Variants in SUPT5H observed in about 807,000 individuals in gnomAD.
SUPT5H encodes the protein transcription elongation factor SPT5.
In SUPT5H, 24 loss-of-function variants were observed where a neutral mutation model predicts 142.5. That is an observed-to-expected ratio of 0.17 (90% CI 0.12 to 0.24). SUPT5H has a LOEUF of 0.24. Among genes scored for constraint, SUPT5H ranks in the 10% least tolerant of loss-of-function variants. The pLI, the probability that SUPT5H is intolerant of heterozygous loss-of-function variation, is 1.00. For synonymous variants in SUPT5H, 546 were observed against 553.0 expected (o/e 0.99, Z 0.18); for missense variants, 893 against 1,471.8 (o/e 0.61, Z 6.43).
At chr19:39,446,091 A>C in intron 2 of SUPT5H, 126 bp downstream of exon 2, 85 of 1,066,226 alleles carry the variant, frequency 8.0e-5, no homozygotes, top group Non-Finnish European at 1.1e-4. Context: ...AGATTGTCTC[A>C]AGAGATAGAG....
Position 39,445,827 on chromosome 19 carries a change from T to C in SUPT5H, c.-64T>C. ...AGGGAACCAGCGGGGAAACTGAGGC[T>C]CGGGGTGGAGCGCAGGATTGTGGGA... On this transcript the variant is annotated 5_prime_UTR_variant, in exon 2 of 30. Coordinates refer to ENST00000432763, the MANE Select transcript of SUPT5H (RefSeq NM_001111020.3). 6.3e-7 allele frequency: 1 copy of C among 1,580,358 alleles called. No homozygotes were observed. The highest frequency in any genetic ancestry group is 8.6e-7 in the Non-Finnish European group (1 of 1,159,622).
In SUPT5H at chr19:39,466,835, G is replaced by A. The variant is rs955616459; in HGVS notation, c.1037+90G>A. The A allele has an allele frequency of 2.9e-5, 37 of 1,279,998 alleles. No homozygotes were observed. The highest frequency in any genetic ancestry group is 3.1e-5 in the Non-Finnish European group (27 of 879,098). The allele number at this position is 1,279,998 out of a possible 1,614,324, so 79.3% of individuals were successfully genotyped here. On this transcript the variant is annotated intron_variant, in intron 13 of 29. Transcript: ENST00000432763. This position sits in a 1 kb window ranked among gnomAD's most constrained non-coding sequence, Gnocchi z 4.3. Reference sequence around the variant, plus strand: ...CAGGTTCCTCCCCAGGGGTGGCCCCGCCACAGGTTTAGCCTGTGAATTGGT... The same window carrying A: ...CAGGTTCCTCCCCAGGGGTGGCCCCACCACAGGTTTAGCCTGTGAATTGGT...
In SUPT5H at chr19:39,458,042, C is replaced by T; in HGVS notation, c.308-252C>T. 2 of 735,044 alleles carry T rather than the reference C, an allele frequency of 2.7e-6. No individual in the cohort carries two copies. The highest frequency in any genetic ancestry group is 5.3e-5 in the Admixed American group (2 of 37,944). 45.5% of individuals were successfully genotyped at this position (735,044 alleles called of 1,614,324 possible). On this transcript the variant is annotated intron_variant, in intron 4 of 29. Coordinates refer to ENST00000432763, the MANE Select transcript of SUPT5H (RefSeq NM_001111020.3). The surrounding 1 kb of genome is among the most constrained non-coding windows in gnomAD (Gnocchi z 4.2). Reference sequence around the variant, plus strand: ...TCTGTCCCAAGATACCCCCCACTTCCTGGGCCAGTGCCCCCCTTTCCCCGT... The same window carrying T: ...TCTGTCCCAAGATACCCCCCACTTCTTGGGCCAGTGCCCCCCTTTCCCCGT...
Position 39,474,952 on chromosome 19 carries a change from G to T in SUPT5H, c.3024+234G>T. 1.7e-6 allele frequency: 1 copy of T among 591,138 alleles called. No homozygotes were observed. The highest frequency in any genetic ancestry group is 3.0e-6 in the Non-Finnish European group (1 of 332,058). 36.6% of individuals were successfully genotyped at this position (591,138 alleles called of 1,614,324 possible). On this transcript the variant is annotated intron_variant, in intron 28 of 29. Coordinates refer to ENST00000432763, the MANE Select transcript of SUPT5H (RefSeq NM_001111020.3). The surrounding 1 kb of genome is among the most constrained non-coding windows in gnomAD (Gnocchi z 6.5). ...AAATCTGAGCCAAGACCTGACAAAT[G>T]AATAGGAGTAAGCTAAGGAAAGTGA...
In SUPT5H at chr19:39,469,565, A is replaced by G; in HGVS notation, c.1374+167A>G. 1 of 976,266 alleles carries G rather than the reference A, an allele frequency of 1.0e-6. No individual in the cohort carries two copies. Among genetic ancestry groups the G allele is most frequent in the South Asian group, 1.6e-5 (1 of 63,060 alleles). 60.5% of individuals were successfully genotyped at this position (976,266 alleles called of 1,614,324 possible). The stretch of plus-strand genomic sequence containing the variant: ...GAGAGGCTCTGTCTGAGTGCAGCTC[A>G]GGGTCGGTGGGCAGCAGGCCTGCCT... On this transcript the variant is annotated intron_variant, in intron 16 of 29. Coordinates refer to ENST00000432763, the MANE Select transcript of SUPT5H (RefSeq NM_001111020.3). The surrounding 1 kb of genome is among the most constrained non-coding windows in gnomAD (Gnocchi z 5.1).
chr19:39,476,495 C>T lies in SUPT5H; in HGVS notation c.*96C>T, dbSNP rs1012750250. The T allele has an allele frequency of 8.2e-6, 12 of 1,465,898 alleles. No individual in the cohort carries two copies. The highest frequency in any genetic ancestry group is 2.4e-5 in the South Asian group (2 of 83,982). 90.8% of individuals were successfully genotyped at this position (1,465,898 alleles called of 1,614,324 possible). On this transcript the variant is annotated 3_prime_UTR_variant, in exon 30 of 30. Transcript: ENST00000432763. ...CACAAGATCCTCCTGCAGGGCTAGG[C>T]GGATTGTTCTGGATTTCCTTTTGTT...
chr19:39,469,007 A>G lies in SUPT5H; in HGVS notation c.1144-72A>G. ...AGAATTATTCCCCTAGGACCCACTC[A>G]GCCCACTCAGCTGGGCTGTTGCACT... On this transcript the variant is annotated intron_variant, in intron 14 of 29. Transcript: ENST00000432763. This position sits in a 1 kb window ranked among gnomAD's most constrained non-coding sequence, Gnocchi z 5.1. The G allele has an allele frequency of 6.3e-7, 1 of 1,589,468 alleles. No homozygotes were observed. The highest frequency in any genetic ancestry group is 8.6e-7 in the Non-Finnish European group (1 of 1,159,898).
chr19:39,453,548 G>T, intron 3 of SUPT5H, 27 bp downstream of exon 3: 1 of 1,475,864 alleles, frequency 6.8e-7, no homozygotes, highest in South Asian at 1.3e-5. Context: ...GGCCAGTGCC[G>T]AGCAGAGGCT....
intron 2 of SUPT5H, among the ~76,000 whole-genome samples, chr19:39,449,658 TTGTCTTGG>T (rs2078996281): frequency 6.6e-6 from 1 of 151,676 alleles, no homozygotes; most frequent in East Asian, 1.9e-4. Context: ...TTTTTTTTTT[TTGTCTTGG>T]TGTCTTGCTC....
chr19:39,459,768 C>T, intron 9 of SUPT5H, 124 bp from the exon 10 acceptor site: 1 of 1,294,974 alleles, frequency 7.7e-7, no homozygotes, highest in Non-Finnish European at 1.1e-6. Context: ...TCCTGGCTGT[C>T]CATCCTTCTT....
chr19:39,459,253 AG>A lies in SUPT5H; in HGVS notation c.524+9del, dbSNP rs1356316335. On this transcript the variant is annotated splice_donor_5th_base_variant and intron_variant, in intron 8 of 29. Coordinates refer to ENST00000432763, the MANE Select transcript of SUPT5H (RefSeq NM_001111020.3). ...AGCAGCTGCTCCCAGGAGTCAAGTA[AG>A]GGGGTTGGGATGGTGGGGGCCGTGC... is the stretch of plus-strand genomic sequence containing the variant. The A allele has an allele frequency of 2.0e-6, 3 of 1,483,662 alleles. No individual in the cohort carries two copies. The highest frequency in any genetic ancestry group is 2.7e-6 in the Non-Finnish European group (3 of 1,112,640). 91.9% of individuals were successfully genotyped at this position (1,483,662 alleles called of 1,614,324 possible). A position where few individuals can be genotyped will look rare whatever the true frequency, so the allele number is the denominator to read the frequency against.
chr19:39,453,404 C>A lies in SUPT5H; in HGVS notation c.124C>A (p.Pro42Thr). 6.3e-7 allele frequency: 1 copy of A among 1,597,406 alleles called. No individual in the cohort carries two copies. Among genetic ancestry groups the A allele is most frequent in the Non-Finnish European group, 8.5e-7 (1 of 1,171,510 alleles). Residue 42 changes from proline to threonine, a missense_variant, in exon 3 of 30, where the codon CCT (proline) becomes ACT (threonine). Physicochemically the swap from Pro to Thr is conservative, Grantham distance 38 (BLOSUM62 -1). Transcript: ENST00000432763. ...AGCGGGCAGTGAGAAAGAAGAAGAGCCTGAGGACGAAGAGGAGGAGGAAGA... is the reference window on the plus strand; with the variant it reads ...AGCGGGCAGTGAGAAAGAAGAAGAGACTGAGGACGAAGAGGAGGAGGAAGA... ...SAAGSEKEEE[P>T]EDEEEEEEEE...
chr19:39,468,422 C>G (rs1018840203), intron 13 of SUPT5H: 1 of 361,368 alleles, frequency 2.8e-6, no homozygotes, highest in African/African-American at 2.1e-5. Flanking sequence ...TTTCTGTGTA[C>G]TGGGCACTAT....
intron 28 of SUPT5H, 129 bp from the exon 29 acceptor site, chr19:39,475,952 C>G: frequency 1.2e-6 from 1 of 837,656 alleles, no homozygotes; most frequent in Non-Finnish European, 1.9e-6. Flanking sequence ...CAGGCCCAGC[C>G]TTGGCCTTTC....
At position 39,471,636 on chromosome 19, in the gene SUPT5H, G is replaced by A. The variant is rs779564956; in HGVS notation, c.1856G>A (p.Arg619Gln). Residue 619 changes from arginine (R) to glutamine (Q), a missense_variant, in exon 20 of 30, where the codon CGA becomes CAA. Arg to Gln is a conservative substitution (Grantham distance 43). Coordinates refer to ENST00000432763, the MANE Select transcript of SUPT5H (RefSeq NM_001111020.3). The stretch of plus-strand genomic sequence containing the variant: ...GAAGGGGAGATTCGCCATCTCTTCC[G>A]AAGCTTCGCCTTCCTACATTGCAAG... The part of the protein sequence containing the change: ...GREGEIRHLF[R>Q]SFAFLHCKKL... The A allele has an allele frequency of 3.1e-6, 5 of 1,614,200 alleles. No homozygotes were observed. The highest frequency in any genetic ancestry group is 1.7e-5 in the Admixed American group (1 of 60,024).
chr19:39,455,772 G>A (rs1182745327), intron 3 of SUPT5H, among the ~76,000 whole-genome samples: 3 of 150,252 alleles, frequency 2.0e-5, no homozygotes, highest in Non-Finnish European at 4.4e-5. Flanking sequence ...ACAGGTGCCT[G>A]CCACTACGCC....
intron 10 of SUPT5H, among the ~76,000 whole-genome samples, chr19:39,462,483 A>T (rs1398839721): frequency 6.6e-6 from 1 of 152,060 alleles, no homozygotes; most frequent in Non-Finnish European, 1.5e-5. Context: ...TGCTTCACTT[A>T]ATGTTTTCAA....
At chr19:39,468,635 G>A (rs2079275447) in intron 13 of SUPT5H, 121 bp from the exon 14 acceptor site, 9 of 801,564 alleles carry the variant, frequency 1.1e-5, no homozygotes, top group Non-Finnish European at 1.2e-5. Context: ...TGTGTGCTGG[G>A]ATGGGATGGG....
intron 10 of SUPT5H, among the ~76,000 whole-genome samples, chr19:39,462,303 C>A (rs1237995723): frequency 6.6e-6 from 1 of 152,128 alleles, no homozygotes; most frequent in Non-Finnish European, 1.5e-5. Flanking sequence ...AGGACATTTT[C>A]ATTATCCCAA....
Sources: gnomAD v4.1 joint callset for allele counts (sites outside exome capture counted in the v4.1 genomes callset) on GRCh38, gnomAD v4.1.1 for gene constraint, Gnocchi (gnomAD v3.1) non-coding constraint, MANE v1.5 for transcripts, NCBI Gene and HGNC (gene_info 2026-07-23, HGNC 2026-07-21) for gene names.